Variants in HSPA4L observed in about 807,000 individuals in gnomAD.
HSPA4L encodes the protein heat shock protein family A (Hsp70) member 4 like, also known as heat shock 70 kDa protein 4L.
Under a neutral mutation model 100.3 loss-of-function variants are expected in HSPA4L, and 48 were observed. The observed-to-expected ratio is 0.48, with a 90% CI of 0.38 to 0.61. HSPA4L has a LOEUF of 0.61. Ranked by LOEUF, HSPA4L falls within the 20% of genes least tolerant of loss-of-function variation. HSPA4L has a pLI of 0.00. For missense variants in HSPA4L, 886 were observed against 988.6 expected (o/e 0.90, Z 1.39); for synonymous variants, 319 against 328.2 (o/e 0.97, Z 0.30).
chr4:127,783,691 A>G (rs1219684301), intron 1 of HSPA4L: 6 of 1,534,858 alleles, frequency 3.9e-6, no homozygotes, highest in Non-Finnish European at 5.2e-6. Context: ...GTAATTTGGC[A>G]TCTTAATTTG....
chr4:127,821,290 AT>A (rs1288818926), intron 14 of HSPA4L, among the ~76,000 whole-genome samples: 3 of 152,094 alleles, frequency 2.0e-5, no homozygotes, highest in African/African-American at 7.2e-5. Context: ...CTTGAGAAAA[AT>A]TTTCCCAAAG....
At chr4:127,794,159 G>T in intron 2 of HSPA4L, 25 bp downstream of exon 2, 2 of 1,585,968 alleles carry the variant, frequency 1.3e-6, no homozygotes, top group South Asian at 1.1e-5. Flanking sequence ...TGGATGTTTT[G>T]ACTTACAGGA....
intron 3 of HSPA4L, among the ~76,000 whole-genome samples, chr4:127,797,498 C>G (rs1733054298): frequency 6.6e-6 from 1 of 151,958 alleles, no homozygotes; most frequent in African/African-American, 2.4e-5. Context: ...TTTGAAACAT[C>G]ATCTTTTGAA....
At chr4:127,784,428 C>T (rs1046272128) in intron 1 of HSPA4L, among the ~76,000 whole-genome samples, 2 of 152,140 alleles carry the variant, frequency 1.3e-5, no homozygotes, top group Admixed American at 6.5e-5. Flanking sequence ...CTAAAAGTCT[C>T]TTTGTTATTG....
Position 127,837,732 on chromosome 4 carries a change from A to C in HSPA4L, c.*4858A>C, listed in dbSNP as rs1389205506. On this transcript the variant is annotated 3_prime_UTR_variant, in exon 19 of 19. Transcript: ENST00000296464. ...AGATCAAAGACCAAGGCTTGTAACC[A>C]AAACAAGCAAAAAGAAACTTTAGCT... is the stretch of plus-strand genomic sequence containing the variant. The C allele has an allele frequency of 6.6e-6, 1 of 152,224 alleles. No individual in the cohort carries two copies. Among genetic ancestry groups the C allele is most frequent in the Non-Finnish European group, 1.5e-5 (1 of 68,030 alleles). 9.4% of individuals were successfully genotyped at this position (152,224 alleles called of 1,614,324 possible). A position where few individuals can be genotyped will look rare whatever the true frequency, so the allele number is the denominator to read the frequency against.
chr4:127,816,859 T>C (rs1432188575), intron 12 of HSPA4L, among the ~76,000 whole-genome samples: 3 of 152,164 alleles, frequency 2.0e-5, no homozygotes, highest in Non-Finnish European at 4.4e-5. Context: ...GTGAAAGATA[T>C]AAATATATAA....
rs1553935506 is a variant in HSPA4L at position 127,835,093 on chromosome 4, C to CTAA, written c.*2221_*2223dup. On this transcript the variant is annotated 3_prime_UTR_variant, in exon 19 of 19. Coordinates refer to ENST00000296464, the MANE Select transcript of HSPA4L (RefSeq NM_014278.4). ...TTTAATGCAGCTTTGGGTAGACAGTCTAATTCAGTCCAATTTTAATCTGCA... is the reference window on the plus strand; with the variant it reads ...TTTAATGCAGCTTTGGGTAGACAGTCTAATAATTCAGTCCAATTTTAATCTGCA... 5 of 152,206 alleles carry CTAA rather than the reference C, an allele frequency of 3.3e-5. No individual in the cohort carries two copies. In the East Asian group the frequency reaches 9.6e-4, roughly 29 times the overall value. The allele number at this position is 152,206 out of a possible 1,614,324, so 9.4% of individuals were successfully genotyped here.
At chr4:127,799,284 A>G (rs1379993821) in intron 4 of HSPA4L, among the ~76,000 whole-genome samples, 1 of 151,888 alleles carries the variant, frequency 6.6e-6, no homozygotes, top group African/African-American at 2.4e-5. Context: ...TTAGTAATCA[A>G]TTTTTTTTCA....
At chr4:127,792,818 T>C (rs1475015993) in intron 1 of HSPA4L, among the ~76,000 whole-genome samples, 1 of 152,156 alleles carries the variant, frequency 6.6e-6, no homozygotes, top group East Asian at 1.9e-4. Flanking sequence ...TGAGGATAGG[T>C]GTTTCTGATA....
chr4:127,815,464 T>G (rs996341543), intron 12 of HSPA4L, among the ~76,000 whole-genome samples: 1 of 151,534 alleles, frequency 6.6e-6, no homozygotes, highest in African/African-American at 2.4e-5. Context: ...GGCTGGAGTT[T>G]GAGTCCAGCC....
intron 1 of HSPA4L, among the ~76,000 whole-genome samples, chr4:127,792,701 A>T (rs185159237): frequency 5.9e-5 from 9 of 152,338 alleles, no homozygotes; most frequent in Admixed American, 5.9e-4. Flanking sequence ...ACAGTCACTA[A>T]ATGAATTGTA....
intron 14 of HSPA4L, among the ~76,000 whole-genome samples, chr4:127,822,022 C>T (rs1021272532): frequency 2.6e-5 from 4 of 152,018 alleles, no homozygotes; most frequent in Admixed American, 1.3e-4. Context: ...CGGTATACTA[C>T]GTTAATTTTT....
chr4:127,815,507 T>A (rs1011406150), intron 12 of HSPA4L, among the ~76,000 whole-genome samples: 2 of 150,804 alleles, frequency 1.3e-5, no homozygotes, highest in Non-Finnish European at 3.0e-5. Flanking sequence ...AAAAAAAAAA[T>A]TATCACATCT....
At chr4:127,831,372 A>G (rs923834544) in intron 18 of HSPA4L, among the ~76,000 whole-genome samples, 1 of 151,832 alleles carries the variant, frequency 6.6e-6, no homozygotes, top group Non-Finnish European at 1.5e-5. Flanking sequence ...GTGGTAGTGC[A>G]TATCTGTAGT....
intron 1 of HSPA4L, among the ~76,000 whole-genome samples, chr4:127,791,385 T>C (rs543989478): frequency 1.3e-5 from 2 of 152,310 alleles, no homozygotes; most frequent in East Asian, 3.9e-4. Flanking sequence ...GGTCCATCCA[T>C]AATTTTTGTG....
At chr4:127,795,123 GA>G (rs1264413532) in intron 2 of HSPA4L, among the ~76,000 whole-genome samples, 3 of 149,814 alleles carry the variant, frequency 2.0e-5, no homozygotes, top group East Asian at 1.9e-4. Flanking sequence ...ATATGGAGAG[GA>G]AAAAAAAACC....
At position 127,827,308 on chromosome 4, in the gene HSPA4L, T is replaced by C; in HGVS notation, c.2050T>C (p.Tyr684His). The change falls in exon 17 of 19, where the codon TAC becomes CAC. Residue 684 changes from tyrosine to histidine, a missense_variant. Physicochemically the swap from Tyr to His is moderately conservative, Grantham distance 83. Transcript: ENST00000296464. ...YVDKLQELKK[Y>H]GQPIQMKYME... is the part of the protein sequence containing the mutation. The stretch of plus-strand genomic sequence containing the variant: ...TAAAAATTTCTTATGTTAACAGAAA[T>C]ACGGCCAGCCTATTCAAATGAAGTA... 1 of 1,602,856 alleles carries C rather than the reference T, an allele frequency of 6.2e-7. No individual in the cohort carries two copies. The highest frequency in any genetic ancestry group is 1.1e-5 in the South Asian group (1 of 87,052).
intron 1 of HSPA4L, among the ~76,000 whole-genome samples, chr4:127,791,297 C>T (rs931141836): frequency 1.3e-4 from 20 of 151,984 alleles, no homozygotes; most frequent in Non-Finnish European, 2.5e-4. Flanking sequence ...TCCCTGGGCC[C>T]CATTGGAAGA....
rs1259676696 is a variant in HSPA4L, at chr4:127,801,816, T to C, written c.561T>C (p.Asp187=). 1 of 1,611,086 alleles carries C rather than the reference T, an allele frequency of 6.2e-7. No individual in the cohort carries two copies. Among genetic ancestry groups the C allele is most frequent in the Non-Finnish European group, 8.5e-7 (1 of 1,178,276 alleles). The part of the protein sequence containing the change: ...VALAYGIYKQ[D]LPPLDEKPRN... ...TGGCGTATGGAATTTATAAACAGGA[T>C]CTTCCCCCATTAGATGAGAAACCAA... The change falls in exon 6 of 19, where the codon GAT becomes GAC. Residue 187 remains aspartate, a synonymous_variant. Transcript: ENST00000296464.
Sources: allele counts gnomAD v4.1 joint callset (sites outside exome capture counted in the v4.1 genomes callset), GRCh38; gene constraint gnomAD v4.1.1; transcripts MANE v1.5; gene names NCBI Gene and HGNC (gene_info 2026-07-23, HGNC 2026-07-21).